Variants in CSMD3 observed in about 807,000 individuals in gnomAD.
CSMD3 encodes CUB and sushi domain-containing protein 3.
A neutral mutation model predicts 435.2 loss-of-function variants in CSMD3; 177 were observed. The observed-to-expected ratio is 0.41, with a 90% CI of 0.36 to 0.46. The LOEUF (loss-of-function observed/expected upper bound fraction) is 0.46. Ranked by LOEUF, CSMD3 falls within the 20% of genes least tolerant of loss-of-function variation. The pLI, the probability that CSMD3 is intolerant of heterozygous loss-of-function variation, is 0.34. For missense variants in CSMD3, 4,265 were observed against 4,504.6 expected, an observed-to-expected ratio of 0.95 and a Z score of 1.52; for synonymous variants, 1,656 against 1,520.5, an observed-to-expected ratio of 1.09 and a Z score of -2.07.
chr8:113,421,992 C>T (rs954834948), intron 1 of CSMD3, among the ~76,000 whole-genome samples: 2 of 152,162 alleles, frequency 1.3e-5, no homozygotes, highest in African/African-American at 4.8e-5. Flanking sequence ...CACCTTGCTA[C>T]CACCTCCCCA....
chr8:113,351,936 A>AT (rs918057737), intron 1 of CSMD3, among the ~76,000 whole-genome samples: 36 of 151,722 alleles, frequency 2.4e-4, no homozygotes, highest in African/African-American at 6.8e-4. Flanking sequence ...TTGCTTAATG[A>AT]TTTTTTTTTA....
At chr8:112,571,786 T>C (rs1321315121) in intron 24 of CSMD3, among the ~76,000 whole-genome samples, 2 of 151,394 alleles carry the variant, frequency 1.3e-5, no homozygotes, top group African/African-American at 2.4e-5. Flanking sequence ...GGAGAATTGC[T>C]TGAACCTGGG....
chr8:113,167,200 A>G (rs2131857811), intron 4 of CSMD3, among the ~76,000 whole-genome samples: 1 of 152,256 alleles, frequency 6.6e-6, no homozygotes, highest in African/African-American at 2.4e-5. Context: ...TTTAAATACG[A>G]TAAATACAAA....
intron 4 of CSMD3, among the ~76,000 whole-genome samples, chr8:113,169,140 G>A (rs1469010902): frequency 1.3e-5 from 2 of 152,076 alleles, no homozygotes; most frequent in East Asian, 3.9e-4. Flanking sequence ...TTTGGCAGGA[G>A]AATAATATAA....
In CSMD3 at chr8:112,314,083, A is replaced by C. The variant is rs370272409; in HGVS notation, c.7550-31T>G. On this transcript the variant is annotated intron_variant, in intron 48 of 70. Transcript: ENST00000297405. ...GGAAGAAAATAAAACAATTTAGATA[A>C]AGCTAATTATATTCTCATTTGTCTT... 5.9e-6 allele frequency: 9 copies of C among 1,512,764 alleles called. No individual in the cohort carries two copies. The African/African-American group carries it at 6.9e-5, about 12-fold the overall frequency. 93.7% of individuals were successfully genotyped at this position (1,512,764 alleles called of 1,614,324 possible).
intron 1 of CSMD3, among the ~76,000 whole-genome samples, chr8:113,319,796 T>C (rs1351610259): frequency 1.3e-5 from 2 of 152,136 alleles, no homozygotes; most frequent in African/African-American, 2.4e-5. Flanking sequence ...TTGGAATCTA[T>C]ATTTGCCTTT....
At chr8:113,153,134 G>GAAAGAAAGAAAGAAAGAGAAA (rs1564370995) in intron 4 of CSMD3, among the ~76,000 whole-genome samples, 4 of 94,074 alleles carry the variant, frequency 4.3e-5, no homozygotes, top group African/African-American at 2.6e-4. Flanking sequence ...AGAGAAAGAA[G>GAAAGAAAGAAAGAAAGAGAAA]GAAGGAAGGA....
chr8:113,162,331 T>C (rs2092057580), intron 4 of CSMD3, among the ~76,000 whole-genome samples: 2 of 151,816 alleles, frequency 1.3e-5, no homozygotes, highest in South Asian at 4.2e-4. Context: ...ATCCCAGGCG[T>C]GAGGCAGGTA....
At chr8:112,669,376 A>T (rs775651503) in intron 16 of CSMD3, among the ~76,000 whole-genome samples, 1 of 152,158 alleles carries the variant, frequency 6.6e-6, no homozygotes, top group Non-Finnish European at 1.5e-5. Context: ...AAGAAATCTA[A>T]CTGCAATATG....
At chr8:112,700,698 G>A (rs905416697) in intron 13 of CSMD3, among the ~76,000 whole-genome samples, 1 of 152,022 alleles carries the variant, frequency 6.6e-6, no homozygotes, top group Admixed American at 6.6e-5. Flanking sequence ...GAACAACCAT[G>A]GTAACAGTTG....
intron 1 of CSMD3, among the ~76,000 whole-genome samples, chr8:113,366,576 T>G (rs2094313007): frequency 6.6e-6 from 1 of 152,098 alleles, no homozygotes; most frequent in African/African-American, 2.4e-5. Flanking sequence ...ATTTTCTTCA[T>G]TTTGTCTTGT....
chr8:112,334,638 A>G (rs565784519), intron 45 of CSMD3, among the ~76,000 whole-genome samples: 2 of 152,340 alleles, frequency 1.3e-5, no homozygotes, highest in East Asian at 3.9e-4. Context: ...CCATTTTCTT[A>G]TTAATAATGG....
intron 32 of CSMD3, among the ~76,000 whole-genome samples, chr8:112,450,576 CA>C (rs1173881278): frequency 6.6e-6 from 1 of 152,174 alleles, no homozygotes; most frequent in African/African-American, 2.4e-5. Flanking sequence ...CAGACCAGTA[CA>C]AACCTTACAT....
chr8:113,297,870 T>C (rs2093734215), intron 2 of CSMD3, among the ~76,000 whole-genome samples: 1 of 152,136 alleles, frequency 6.6e-6, no homozygotes, highest in Non-Finnish European at 1.5e-5. Context: ...CTGACACATT[T>C]AGTTATTCCG....
chr8:112,645,583 C>T (rs969074825), intron 19 of CSMD3, among the ~76,000 whole-genome samples: 7 of 152,160 alleles, frequency 4.6e-5, no homozygotes, highest in South Asian at 4.2e-4. Context: ...CTGTATAAAA[C>T]TGTTTGATAT....
chr8:112,437,106 C>T (rs1224603901), intron 32 of CSMD3, among the ~76,000 whole-genome samples: 3 of 151,848 alleles, frequency 2.0e-5, no homozygotes, highest in Non-Finnish European at 4.4e-5. Context: ...AGATTTAGTG[C>T]CTAAACCAAA....
chr8:112,352,671 G>T, intron 38 of CSMD3, 137 bp from the exon 39 acceptor site: 3 of 765,880 alleles, frequency 3.9e-6, no homozygotes, highest in Non-Finnish European at 6.8e-6. Flanking sequence ...AACGTTCTGT[G>T]AACAAGATTT....
At chr8:113,194,634 G>A (rs550326779) in intron 3 of CSMD3, among the ~76,000 whole-genome samples, 13 of 151,280 alleles carry the variant, frequency 8.6e-5, no homozygotes, top group Non-Finnish European at 1.8e-4. Flanking sequence ...GGGGGAACAC[G>A]TGAGTGTGTA....
At chr8:112,765,851 T>G (rs551208710) in intron 13 of CSMD3, among the ~76,000 whole-genome samples, 3 of 151,774 alleles carry the variant, frequency 2.0e-5, no homozygotes, top group African/African-American at 7.2e-5. Flanking sequence ...TCAAGGAATA[T>G]TGCATGCTTC....
Sources: gnomAD v4.1 joint callset for allele counts (sites outside exome capture counted in the v4.1 genomes callset) on GRCh38, gnomAD v4.1.1 for gene constraint, MANE v1.5 for transcripts, NCBI Gene and HGNC (gene_info 2026-07-23, HGNC 2026-07-21) for gene names.